RNF14: variants seen among roughly 807,000 people sequenced by gnomAD.
The protein encoded by RNF14 is E3 ubiquitin-protein ligase RNF14.
Under a neutral mutation model 52.6 loss-of-function variants are expected in RNF14, and 26 were observed. The ratio of observed to expected loss-of-function variants is 0.49; its 90% CI spans 0.36 to 0.69. The LOEUF (loss-of-function observed/expected upper bound fraction) is 0.69. RNF14 is among the 30% of genes least tolerant of loss of function. The pLI is 0.00. For synonymous variants in RNF14, 194 were observed against 202.0 expected, an observed-to-expected ratio of 0.96 and a Z score of 0.34; for missense variants, 404 against 560.4, an observed-to-expected ratio of 0.72 and a Z score of 2.82.
upstream of RNF14, among the ~76,000 whole-genome samples, chr5:141,954,199 A>G (rs1267410153): frequency 6.6e-6 from 1 of 152,194 alleles, no homozygotes; most frequent in African/African-American, 2.4e-5. Flanking sequence ...TCTGAACTCC[A>G]ATCTGCCTAA....
At chr5:141,955,279 G>A (rs752769310), upstream of RNF14, 19 of 1,614,094 alleles carry the variant, frequency 1.2e-5, no homozygotes, top group Non-Finnish European at 1.6e-5. The surrounding 1 kb of genome is among the most constrained non-coding windows in gnomAD (Gnocchi z 5.5). Flanking sequence ...CTCCCGGGAG[G>A]CATTCCTCTG....
chr5:141,984,902 T>C lies in RNF14; in HGVS notation c.1336T>C (p.Phe446Leu). 3.1e-6 allele frequency: 5 copies of C among 1,613,954 alleles called. No individual in the cohort carries two copies. The highest frequency in any genetic ancestry group is 3.4e-6 in the Non-Finnish European group (4 of 1,179,872). The change falls in exon 8 of 9, where the codon TTC becomes CTC. Residue 446 changes from phenylalanine (F) to leucine (L), a missense_variant. Transcript: ENST00000394520. The stretch of plus-strand genomic sequence containing the variant: ...CTCTAGAGCAAACCCTTACAAACAT[T>C]TCAATGACCCTGGTTCACCATGTTT... ...SLSRANPYKH[F>L]NDPGSPCFNR...
chr5:141,980,252 C>A lies in RNF14; in HGVS notation c.964C>A (p.Pro322Thr), dbSNP rs771593152. ...PCCQLPVMQE[P>T]GCTMGICSSC... Reference sequence around the variant, plus strand: ...CTGCCAGCTGCCTGTGATGCAGGAACCTGGCTGCACCATGGGTATCTGCTC... The same window carrying A: ...CTGCCAGCTGCCTGTGATGCAGGAAACTGGCTGCACCATGGGTATCTGCTC... Residue 322 changes from proline (P) to threonine (T), a missense_variant, in exon 6 of 9, where the codon CCT becomes ACT. Coordinates refer to ENST00000394520, the MANE Select transcript of RNF14 (RefSeq NM_004290.5). 6.2e-7 allele frequency: 1 copy of A among 1,614,232 alleles called. No individual in the cohort carries two copies. The highest frequency in any genetic ancestry group is 1.7e-5 in the Admixed American group (1 of 60,028).
intron 1 of RNF14, among the ~76,000 whole-genome samples, chr5:141,959,319 C>T (rs1031182859): frequency 3.9e-5 from 6 of 152,020 alleles, no homozygotes; most frequent in Admixed American, 6.6e-5. Context: ...TAAGGGATAC[C>T]CTATCTTCCA....
upstream of RNF14, chr5:141,958,013 A>G (rs1753216774): frequency 6.4e-6 from 5 of 787,100 alleles, no homozygotes; most frequent in South Asian, 1.9e-5. Context: ...AACAAGCAGG[A>G]CCCCAAGGCA....
At position 141,974,913 on chromosome 5, in the gene RNF14, A is replaced by G. The variant is rs1252762395; in HGVS notation, c.264A>G (p.Pro88=). Residue 88 remains proline (P), a synonymous_variant, in exon 4 of 9, where the codon CCA becomes CCG. Transcript: ENST00000394520. ...ELPPDYPSSS[P]PSFTLSGKWL... ...CACCAGATTATCCATCCTCTTCCCC[A>G]CCTTCATTCACACTTAGTGGCAAAT... 1.2e-5 allele frequency: 19 copies of G among 1,613,794 alleles called. No individual in the cohort carries two copies. The highest frequency in any genetic ancestry group is 1.6e-5 in the Non-Finnish European group (19 of 1,179,948).
At chr5:141,966,770 T>G (rs1753359603), upstream of RNF14, 1 of 152,398 alleles carries the variant, frequency 6.6e-6, no homozygotes, top group Non-Finnish European at 1.5e-5. Context: ...CTCTATCCTG[T>G]GACCTCTGAC....
chr5:141,966,594 A>C (rs1753355095), upstream of RNF14, among the ~76,000 whole-genome samples: 1 of 152,242 alleles, frequency 6.6e-6, no homozygotes, highest in Admixed American at 6.5e-5. Context: ...AACCAGGCAC[A>C]TGAGACCAAA....
At chr5:141,970,527 T>G (rs1199073804) in intron 1 of RNF14, 177 bp from the exon 2 acceptor site, 2 of 152,254 alleles carry the variant, frequency 1.3e-5, no homozygotes, top group Non-Finnish European at 2.9e-5. Flanking sequence ...GCTGGGGACA[T>G]GCAAATACTC....
chr5:141,983,653 T>C (rs561180121), intron 7 of RNF14, 101 bp downstream of exon 7: 1 of 993,312 alleles, frequency 1.0e-6, no homozygotes, highest in East Asian at 2.7e-5. Context: ...ACAAAACACA[T>C]GCTGGTATTA....
At chr5:141,985,045 AC>A (rs1312608981) in intron 8 of RNF14, 112 bp downstream of exon 8, 1 of 987,074 alleles carries the variant, frequency 1.0e-6, no homozygotes, top group Non-Finnish European at 1.5e-6. Context: ...GAATTCTCTT[AC>A]ATGTTTTCCC....
At chr5:141,954,963 C>G, upstream of RNF14, 1 of 1,603,698 alleles carries the variant, frequency 6.2e-7, no homozygotes, top group Non-Finnish European at 8.5e-7. Context: ...CTGCCCATGC[C>G]CCAGGTACCT....
upstream of RNF14, among the ~76,000 whole-genome samples, chr5:141,963,986 C>G (rs1402716626): frequency 1.3e-5 from 2 of 152,168 alleles, no homozygotes; most frequent in Non-Finnish European, 2.9e-5. Context: ...GCCATGTTAC[C>G]TTGGGGTTAC....
chr5:141,986,363 A>G lies in RNF14; in HGVS notation c.1368-1370A>G, dbSNP rs141325101. Among the ~76,000 whole-genome samples the G allele has an allele frequency of 1.2e-3, 180 of 152,386 alleles. 2 individuals are homozygous for G. In the East Asian group the frequency reaches 0.026, roughly 22 times the overall value. On this transcript the variant is annotated intron_variant, in intron 8 of 8. Transcript: ENST00000394520. Reference sequence around the variant, plus strand: ...GGAAATTGCATAAGTTGTAGATAACATAAGGAAAGGAAGACAAATTGACAG... The same window carrying G: ...GGAAATTGCATAAGTTGTAGATAACGTAAGGAAAGGAAGACAAATTGACAG...
At chr5:141,970,509 C>T (rs1427641360) in intron 1 of RNF14, 195 bp from the exon 2 acceptor site, 1 of 152,252 alleles carries the variant, frequency 6.6e-6, no homozygotes, top group Non-Finnish European at 1.5e-5. Context: ...AAAAAGTCCT[C>T]AGTCATTGCT....
chr5:141,955,969 G>A (rs373242757), upstream of RNF14: 20 of 1,614,026 alleles, frequency 1.2e-5, no homozygotes, highest in Middle Eastern at 1.6e-4. This position sits in a 1 kb window ranked among gnomAD's most constrained non-coding sequence, Gnocchi z 5.5. Context: ...ATTTGCCCCC[G>A]AGTCTGCATC....
chr5:141,981,838 T>C (rs1596700824), intron 6 of RNF14, among the ~76,000 whole-genome samples: 1 of 148,636 alleles, frequency 6.7e-6, no homozygotes, highest in South Asian at 2.1e-4. Flanking sequence ...GGGGACAGAG[T>C]GGGACCCTGT....
intron 1 of RNF14, 131 bp from the exon 2 acceptor site, chr5:141,970,573 G>GAGT (rs1753656554): frequency 6.6e-6 from 1 of 152,210 alleles, no homozygotes; most frequent in African/African-American, 2.4e-5. Flanking sequence ...TGCCCTAGGA[G>GAGT]AGTAACATGC....
upstream of RNF14, among the ~76,000 whole-genome samples, chr5:141,967,640 C>A (rs1254869276): frequency 6.6e-6 from 1 of 152,140 alleles, no homozygotes; most frequent in East Asian, 1.9e-4. Context: ...CTTTAGAATC[C>A]TGTAGGCTTG....
Sources: allele counts gnomAD v4.1 joint callset (sites outside exome capture counted in the v4.1 genomes callset), GRCh38; gene constraint gnomAD v4.1.1; non-coding constraint Gnocchi (gnomAD v3.1); transcripts MANE v1.5; gene names NCBI Gene and HGNC (gene_info 2026-07-23, HGNC 2026-07-21).